CLVS1: variants seen among roughly 807,000 people sequenced by gnomAD.
The protein encoded by CLVS1 is clavesin-1.
Under a neutral mutation model 33.1 loss-of-function variants are expected in CLVS1, and 10 were observed. The observed-to-expected ratio is 0.30, with a 90% CI of 0.19 to 0.51. The LOEUF is 0.51. CLVS1 is among the 20% of genes least tolerant of loss of function. CLVS1 has a pLI of 0.97. For missense variants in CLVS1, 343 were observed against 433.4 expected, an observed-to-expected ratio of 0.79 and a Z score of 1.85; for synonymous variants, 163 against 166.1, an observed-to-expected ratio of 0.98 and a Z score of 0.14.
chr8:61,037,056 A>G, the CLVS1 span, among the ~76,000 whole-genome samples: 2 of 152,254 alleles, frequency 1.3e-5, no homozygotes, highest in Admixed American at 1.3e-4. Context: ...CAGTATTTCT[A>G]CATCAGTGTT....
intron 2 of CLVS1, among the ~76,000 whole-genome samples, chr8:61,156,214 CAAAA>C (rs56094016): frequency 0.021 from 1,158 of 56,314 alleles, 12 homozygotes; most frequent in South Asian, 0.045. Flanking sequence ...GATTCCATCT[CAAAA>C]AAAAAAAAAA....
At chr8:61,374,860 T>C (rs1813578860) in intron 2 of CLVS1, among the ~76,000 whole-genome samples, 1 of 152,156 alleles carries the variant, frequency 6.6e-6, no homozygotes, top group South Asian at 2.1e-4. Flanking sequence ...CTACCCCCAC[T>C]GGGTGGATTT....
intron 3 of CLVS1, among the ~76,000 whole-genome samples, chr8:61,401,375 T>C (rs140377570): frequency 1.1e-3 from 164 of 152,260 alleles, no homozygotes; most frequent in African/African-American, 3.7e-3. Context: ...CTTCAGTCTT[T>C]CATAATTAAG....
At chr8:61,240,522 A>G (rs1251223917) in intron 2 of CLVS1, among the ~76,000 whole-genome samples, 1 of 152,200 alleles carries the variant, frequency 6.6e-6, no homozygotes, top group Non-Finnish European at 1.5e-5. Flanking sequence ...TTATTTGTAC[A>G]TGTCTATTTG....
intron 2 of CLVS1, among the ~76,000 whole-genome samples, chr8:61,315,519 A>G (rs1450412776): frequency 1.3e-5 from 2 of 152,056 alleles, no homozygotes; most frequent in Non-Finnish European, 2.9e-5. Flanking sequence ...TCCTGCCACC[A>G]TGGCCACAAT....
At chr8:61,459,306 A>G (rs6996200) in intron 5 of CLVS1, among the ~76,000 whole-genome samples, 21,585 of 152,192 alleles carry the variant, frequency 0.14, 4,165 homozygotes, top group African/African-American at 0.44. Flanking sequence ...AGATTGATAA[A>G]TGAGTATTTT....
chr8:61,467,436 AG>A (rs1304502110), intron 5 of CLVS1, among the ~76,000 whole-genome samples: 1 of 152,220 alleles, frequency 6.6e-6, no homozygotes, highest in Non-Finnish European at 1.5e-5. Flanking sequence ...CAAAAATAAA[AG>A]GGGGGACTCT....
At chr8:61,033,050 A>G in the CLVS1 span, among the ~76,000 whole-genome samples, 233 of 102,652 alleles carry the variant, frequency 2.3e-3, 4 homozygotes, top group African/African-American at 7.6e-3. Context: ...AGAAAGAAAA[A>G]GAAAGAAAGA....
chr8:61,324,052 A>G lies in CLVS1; in HGVS notation c.455+23770A>G, dbSNP rs144838822. 5.1e-3 allele frequency among the ~76,000 whole-genome samples: 777 copies of G among 152,236 alleles called. 7 individuals carry two copies. Among genetic ancestry groups the G allele is most frequent in the African/African-American group, 0.017 (711 of 41,544 alleles). Reference sequence around the variant, plus strand: ...TTCATCCAGTCTATCATTGATTGGCATTTAGGTTGATTCTATTTCTTTGTT... The same window carrying G: ...TTCATCCAGTCTATCATTGATTGGCGTTTAGGTTGATTCTATTTCTTTGTT... On this transcript the variant is annotated intron_variant, in intron 2 of 5. Coordinates refer to ENST00000325897, the MANE Select transcript of CLVS1 (RefSeq NM_173519.3).
At chr8:61,072,975 A>G (rs1299543934) in intron 1 of CLVS1, among the ~76,000 whole-genome samples, 2 of 152,130 alleles carry the variant, frequency 1.3e-5, no homozygotes, top group African/African-American at 2.4e-5. Flanking sequence ...TGTTCATCAT[A>G]TTATATTACC....
At chr8:61,279,855 A>G (rs955992861) in intron 2 of CLVS1, among the ~76,000 whole-genome samples, 3 of 152,238 alleles carry the variant, frequency 2.0e-5, no homozygotes, top group African/African-American at 7.2e-5. Context: ...GTGAATTCAG[A>G]AATAATACTA....
At chr8:61,143,698 A>T (rs1806356426) in intron 2 of CLVS1, among the ~76,000 whole-genome samples, 1 of 150,218 alleles carries the variant, frequency 6.7e-6, no homozygotes, top group Admixed American at 6.6e-5. Context: ...TTTTACAATA[A>T]ATTACTCTAT....
Position 61,313,116 on chromosome 8 carries a change from T to C in CLVS1, c.455+12834T>C, listed in dbSNP as rs1436535231. On this transcript the variant is annotated intron_variant, in intron 2 of 5. Coordinates refer to ENST00000325897, the MANE Select transcript of CLVS1 (RefSeq NM_173519.3). The stretch of plus-strand genomic sequence containing the variant: ...TCCTCCCATTCAGTCTTCATTCTTA[T>C]AATGTGGGGAAAATGGCCCTACATG... Among the ~76,000 whole-genome samples the C allele has an allele frequency of 3.9e-5, 6 of 152,248 alleles. No individual in the cohort carries two copies. In the East Asian group the frequency reaches 1.2e-3, roughly 29 times the overall value.
the CLVS1 span, among the ~76,000 whole-genome samples, chr8:60,968,120 A>G: frequency 6.6e-6 from 1 of 151,990 alleles, no homozygotes; most frequent in African/African-American, 2.4e-5. Context: ...TTTTTGTGGG[A>G]TGGTGTCTCA....
the CLVS1 span, among the ~76,000 whole-genome samples, chr8:61,018,494 C>T: frequency 6.5e-3 from 992 of 152,262 alleles, 10 homozygotes; most frequent in African/African-American, 0.02. Flanking sequence ...GCAGAGGGAA[C>T]AGTGTGTGCA....
Position 61,147,201 on chromosome 8 carries a change from A to G in CLVS1, c.-152+15341A>G, listed in dbSNP as rs141182003. Among the ~76,000 whole-genome samples the G allele has an allele frequency of 2.8e-3, 432 of 152,336 alleles. 7 individuals carry two copies. Among genetic ancestry groups the G allele is most frequent in the Admixed American group, 0.021 (328 of 15,296 alleles). ...GGGAGAAAGGGAATCACGTGTTTCCAGTGCAAACCTCAAGCTGGCTTGGGG... is the reference window on the plus strand; with the variant it reads ...GGGAGAAAGGGAATCACGTGTTTCCGGTGCAAACCTCAAGCTGGCTTGGGG... On this transcript the variant is annotated intron_variant, in intron 2 of 2. Coordinates refer to the CLVS1 transcript ENST00000522621.
intron 2 of CLVS1, among the ~76,000 whole-genome samples, chr8:61,280,172 G>T (rs990958602): frequency 6.6e-6 from 1 of 152,180 alleles, no homozygotes; most frequent in Non-Finnish European, 1.5e-5. Flanking sequence ...AATTCAAAAT[G>T]ATGTCGAATT....
chr8:60,984,285 G>A, the CLVS1 span, among the ~76,000 whole-genome samples: 52 of 151,598 alleles, frequency 3.4e-4, no homozygotes, highest in Admixed American at 1.3e-3. Flanking sequence ...AGAGTCAAAA[G>A]GTCTAGTTTT....
chr8:61,375,772 C>G (rs995207004), intron 2 of CLVS1, among the ~76,000 whole-genome samples: 3 of 152,146 alleles, frequency 2.0e-5, no homozygotes, highest in Non-Finnish European at 2.9e-5. Flanking sequence ...ATCTAGAGAT[C>G]CTCTAAGATC....
Sources: allele counts gnomAD v4.1 joint callset (sites outside exome capture counted in the v4.1 genomes callset), GRCh38; gene constraint gnomAD v4.1.1; transcripts MANE v1.5; gene names NCBI Gene and HGNC (gene_info 2026-07-23, HGNC 2026-07-21).